MX2: variants seen among roughly 807,000 people sequenced by gnomAD.
MX2 encodes the protein interferon-induced GTP-binding protein Mx2.
In MX2, 51 loss-of-function variants were observed where a neutral mutation model predicts 74.0. The observed-to-expected ratio is 0.69, with a 90% CI of 0.55 to 0.87. MX2 has a LOEUF of 0.87. Ranked by LOEUF, MX2 falls within the 40% of genes least tolerant of loss-of-function variation. The pLI, the probability that MX2 is intolerant of heterozygous loss-of-function variation, is 0.00. For synonymous variants in MX2, 369 were observed against 339.3 expected (o/e 1.09, Z -0.96); for missense variants, 832 against 908.7 (o/e 0.92, Z 1.09).
At chr21:41,382,268 C>A in intron 4 of MX2, 142 bp from the exon 5 acceptor site, 1 of 1,067,938 alleles carries the variant, frequency 9.4e-7, no homozygotes, top group Non-Finnish European at 1.3e-6. Context: ...CCTCTGCAGG[C>A]TTCTCTGAAA....
intron 3 of MX2, among the ~76,000 whole-genome samples, chr21:41,378,269 C>T (rs573809985): frequency 2.1e-4 from 30 of 140,916 alleles, no homozygotes; most frequent in Middle Eastern, 3.5e-3. Flanking sequence ...AGGGACAGGC[C>T]ATTGGGAGAC....
chr21:41,387,470 C>T (rs1241619307), intron 5 of MX2, among the ~76,000 whole-genome samples: 2 of 152,186 alleles, frequency 1.3e-5, no homozygotes, highest in Non-Finnish European at 2.9e-5. Flanking sequence ...TTTTCAACTG[C>T]AATTGATCAC....
chr21:41,392,704 T>TA (rs529175279), intron 6 of MX2, among the ~76,000 whole-genome samples: 2 of 152,092 alleles, frequency 1.3e-5, no homozygotes, highest in African/African-American at 2.4e-5. Context: ...AAATTTTTTT[T>TA]AAAAAAACAA....
chr21:41,383,601 C>T (rs1397246417), intron 5 of MX2, among the ~76,000 whole-genome samples: 3 of 152,222 alleles, frequency 2.0e-5, no homozygotes, highest in Non-Finnish European at 4.4e-5. Flanking sequence ...AGGCCACTTT[C>T]CTGGCTTCTT....
chr21:41,403,763 G>A (rs2089848649), intron 12 of MX2: 1 of 421,278 alleles, frequency 2.4e-6, no homozygotes, highest in Admixed American at 2.5e-5. Context: ...CTTCCCCCGA[G>A]TTACCTTCAG....
At chr21:41,389,999 C>T (rs1013879104) in intron 5 of MX2, 1 of 152,686 alleles carries the variant, frequency 6.5e-6, no homozygotes, top group African/African-American at 2.4e-5. Flanking sequence ...CTTCCAAGAA[C>T]AAATCGCAGG....
Position 41,390,639 on chromosome 21 carries a change from C to T in MX2, c.807C>T (p.Asp269=), listed in dbSNP as rs144513263. ...TGGTGGTGGTTCCCTGTAACGTGGACATTGCCACCACGGAGGCGCTGAGCA... is the reference window on the plus strand; with the variant it reads ...TGGTGGTGGTTCCCTGTAACGTGGATATTGCCACCACGGAGGCGCTGAGCA... ...INLVVVPCNV[D]IATTEALSMA... Residue 269 remains aspartate, a synonymous_variant, in exon 6 of 14, where the codon GAC becomes GAT. Coordinates refer to ENST00000330714, the MANE Select transcript of MX2 (RefSeq NM_002463.2). 1 of 1,614,184 alleles carries T rather than the reference C, an allele frequency of 6.2e-7. No homozygotes were observed. Among genetic ancestry groups the T allele is most frequent in the Non-Finnish European group, 8.5e-7 (1 of 1,180,038 alleles).
intron 5 of MX2, among the ~76,000 whole-genome samples, chr21:41,385,222 A>G (rs2089555314): frequency 6.6e-6 from 1 of 152,186 alleles, no homozygotes; most frequent in Non-Finnish European, 1.5e-5. Context: ...AAACTCAATC[A>G]TTTCTAGCTT....
At chr21:41,364,524 C>T (rs974786387) in intron 1 of MX2, 1 of 153,126 alleles carries the variant, frequency 6.5e-6, no homozygotes, top group Non-Finnish European at 1.5e-5. Context: ...GGAGGTGGGG[C>T]CTGGGCTGAT....
rs139861712 is a variant in MX2 at position 41,400,312 on chromosome 21, A to G, written c.1414+975A>G. ...GCAATAAGTAAAGACTAGATGAAGT[A>G]GCAGTTTTTTAACTGCTAAAATGTG... is the stretch of plus-strand genomic sequence containing the variant. On this transcript the variant is annotated intron_variant, in intron 10 of 13. Coordinates refer to ENST00000330714, the MANE Select transcript of MX2 (RefSeq NM_002463.2). Among the ~76,000 whole-genome samples the G allele has an allele frequency of 5.5e-3, 834 of 152,286 alleles. 9 individuals are homozygous for G. Among genetic ancestry groups the G allele is most frequent in the African/African-American group, 0.019 (790 of 41,540 alleles).
intron 6 of MX2, among the ~76,000 whole-genome samples, chr21:41,394,998 GGAAGGAAA>G (rs2089715492): frequency 6.6e-6 from 1 of 150,664 alleles, no homozygotes; most frequent in South Asian, 2.1e-4. Flanking sequence ...AAGGAAGGAA[GGAAGGAAA>G]GAAGGAAGAA....
intron 12 of MX2, among the ~76,000 whole-genome samples, chr21:41,405,701 C>CTT (rs58741218): frequency 1.1e-3 from 153 of 133,768 alleles, no homozygotes; most frequent in East Asian, 1.7e-3. Context: ...TCTTTCTTTC[C>CTT]TTTTTTTTTT....
Position 41,382,537 on chromosome 21 carries a change from C to T in MX2, c.705C>T (p.Asp235=), listed in dbSNP as rs201436481. ...DLPGITRVAV[D]NQPRDIGLQI... Reference sequence around the variant, plus strand: ...CCGGCATCACCAGGGTGGCTGTGGACAACCAGCCCCGAGACATCGGACTGC... The same window carrying T: ...CCGGCATCACCAGGGTGGCTGTGGATAACCAGCCCCGAGACATCGGACTGC... The change falls in exon 5 of 14, where the codon GAC becomes GAT. Residue 235 remains aspartate, a synonymous_variant. Coordinates refer to ENST00000330714, the MANE Select transcript of MX2 (RefSeq NM_002463.2). 4.2e-5 allele frequency: 67 copies of T among 1,614,200 alleles called. No individual in the cohort carries two copies. In the East Asian group the frequency reaches 1.5e-3, roughly 36 times the overall value.
rs577459539 is a variant in MX2, at chr21:41,393,120, A to G, written c.871+2417A>G. On this transcript the variant is annotated intron_variant, in intron 6 of 13. Transcript: ENST00000330714. ...TCTGTCTCAAAAAAGCAAAAAAAAA[A>G]AAAAAAAAAAAGAAAGAAAGAAAAG... Among the ~76,000 whole-genome samples the G allele has an allele frequency of 2.7e-4, 39 of 143,582 alleles. No individual in the cohort carries two copies. In the East Asian group the frequency reaches 7.3e-3, roughly 27 times the overall value. 94.2% of individuals were successfully genotyped at this position (143,582 alleles called of 152,430 possible).
At position 41,366,028 on chromosome 21, in the gene MX2, C is replaced by A. The variant is rs1197365980; in HGVS notation, c.-72+3973C>A. 1 of 152,210 alleles carries A rather than the reference C, an allele frequency of 6.6e-6. No individual in the cohort carries two copies. The highest frequency in any genetic ancestry group is 6.5e-5 in the Admixed American group (1 of 15,286). 9.4% of individuals were successfully genotyped at this position (152,210 alleles called of 1,614,324 possible). On this transcript the variant is annotated intron_variant, in intron 1 of 13. Transcript: ENST00000330714. This position sits in a 1 kb window ranked among gnomAD's most constrained non-coding sequence, Gnocchi z 4.5. ...TTGCTCTTAGAGCAGAGATTCTCAACCTTTCTCCATTTGGGCTTCCCTGAG... is the reference window on the plus strand; with the variant it reads ...TTGCTCTTAGAGCAGAGATTCTCAAACTTTCTCCATTTGGGCTTCCCTGAG...
chr21:41,392,103 T>A (rs1227952109), intron 6 of MX2, among the ~76,000 whole-genome samples: 1 of 152,202 alleles, frequency 6.6e-6, no homozygotes, highest in Non-Finnish European at 1.5e-5. Context: ...CCTGGGTTAG[T>A]TTACTAAGGA....
chr21:41,376,444 G>A (rs775204704), intron 1 of MX2, among the ~76,000 whole-genome samples: 48 of 152,232 alleles, frequency 3.2e-4, no homozygotes, highest in Admixed American at 5.2e-4. Context: ...TACTCGGTAA[G>A]CTGAGGCAGG....
At chr21:41,373,276 G>A (rs538717751) in intron 1 of MX2, among the ~76,000 whole-genome samples, 1 of 152,210 alleles carries the variant, frequency 6.6e-6, no homozygotes, top group African/African-American at 2.4e-5. Context: ...CCAACCAGGG[G>A]AGCCATGGAG....
chr21:41,373,602 G>A (rs972513054), intron 1 of MX2, among the ~76,000 whole-genome samples: 6 of 152,048 alleles, frequency 3.9e-5, no homozygotes, highest in Admixed American at 3.3e-4. Context: ...CCCACAGCCA[G>A]CCATTAGCTG....
Sources: allele counts gnomAD v4.1 joint callset (sites outside exome capture counted in the v4.1 genomes callset), GRCh38; gene constraint gnomAD v4.1.1; non-coding constraint Gnocchi (gnomAD v3.1); transcripts MANE v1.5; gene names NCBI Gene and HGNC (gene_info 2026-07-23, HGNC 2026-07-21).